Variants in RP1 observed in about 807,000 individuals in gnomAD.
The protein encoded by RP1 is RP1 axonemal microtubule associated, also known as oxygen-regulated protein 1.
A neutral mutation model predicts 14.8 loss-of-function variants in RP1; 16 were observed. The observed-to-expected ratio is 1.08, with a 90% CI of 0.73 to 1.65. The LOEUF is 1.65. Ranked by LOEUF, RP1 falls within the 40% of genes most tolerant of loss-of-function variation. RP1 has a pLI of 0.00. For missense variants in RP1, 2,631 were observed against 2,535.0 expected (o/e 1.04, Z -0.81); for synonymous variants, 876 against 883.6 (o/e 0.99, Z 0.15).
exon 7 of RP1, chr8:54,663,747 G>A (rs1235794376): frequency 2.6e-6 from 4 of 1,534,656 alleles, no homozygotes; most frequent in Admixed American, 2.0e-5. Context: ...TGGAATGCTG[G>A]AACAGTAGCA....
chr8:54,575,114 G>C (rs1804612812), intron 1 of RP1, among the ~76,000 whole-genome samples: 1 of 152,106 alleles, frequency 6.6e-6, no homozygotes, highest in Non-Finnish European at 1.5e-5. Context: ...CTTTTTCCCA[G>C]GTCAATGAGT....
At chr8:54,720,378 C>G in intron 16 of RP1, 1 of 1,322,096 alleles carries the variant, frequency 7.6e-7, no homozygotes, top group Non-Finnish European at 1.0e-6. Context: ...CTGAAAATTT[C>G]ATCACATTTT....
chr8:54,747,788 A>T (rs1204929564), intron 19 of RP1, among the ~76,000 whole-genome samples: 1 of 152,124 alleles, frequency 6.6e-6, no homozygotes, highest in Admixed American at 6.5e-5. Flanking sequence ...AGATTGTACC[A>T]CTGCACTCCA....
chr8:54,802,084 A>G (rs1011515664), intron 24 of RP1, among the ~76,000 whole-genome samples: 1 of 152,218 alleles, frequency 6.6e-6, no homozygotes, highest in Non-Finnish European at 1.5e-5. Context: ...AAAAATGTAT[A>G]AAGGCTCAGT....
intron 19 of RP1, among the ~76,000 whole-genome samples, chr8:54,749,876 G>C (rs764123059): frequency 1.4e-5 from 2 of 147,450 alleles, no homozygotes; most frequent in Admixed American, 6.8e-5. Context: ...TTTTTTTTTT[G>C]AAGTTAGAGG....
At chr8:54,771,109 A>T (rs1809887802), downstream of RP1, among the ~76,000 whole-genome samples, 1 of 152,006 alleles carries the variant, frequency 6.6e-6, no homozygotes. Context: ...TAGCATTCTT[A>T]TCTATTTATA....
At chr8:54,769,709 C>A (rs916281939) in intron 22 of RP1, 2 of 1,359,388 alleles carry the variant, frequency 1.5e-6, no homozygotes, top group Non-Finnish European at 2.0e-6. Context: ...TTTCTCCTCT[C>A]TCTTTCTTTC....
At chr8:54,783,538 C>A in intron 23 of RP1, 1 of 1,227,150 alleles carries the variant, frequency 8.1e-7, no homozygotes, top group South Asian at 4.1e-5. Context: ...TCTCCTTTTT[C>A]CTTTGCAGAT....
chr8:54,738,825 C>T (rs943304875), intron 18 of RP1: 4 of 556,752 alleles, frequency 7.2e-6, no homozygotes, highest in African/African-American at 1.9e-5. Context: ...GAAAGAGTTC[C>T]TGAGAGCTTT....
intron 18 of RP1, among the ~76,000 whole-genome samples, chr8:54,737,465 G>A (rs1345996791): frequency 6.6e-6 from 1 of 152,186 alleles, no homozygotes; most frequent in Non-Finnish European, 1.5e-5. Flanking sequence ...GACAATGAAA[G>A]GATATTTAAA....
intron 19 of RP1, among the ~76,000 whole-genome samples, chr8:54,752,605 C>T (rs890103739): frequency 2.0e-5 from 3 of 152,216 alleles, no homozygotes; most frequent in African/African-American, 7.2e-5. Flanking sequence ...CAGAGCCTGT[C>T]CTGGCAGCTC....
chr8:54,559,577 ATTTGTAAGGTATTG>A (rs1421127892), intron 1 of RP1, among the ~76,000 whole-genome samples: 1 of 152,136 alleles, frequency 6.6e-6, no homozygotes, highest in East Asian at 1.9e-4. Context: ...TTTTGCAGAT[ATTTGTAAGGTATTG>A]TAGTTTTGAG....
At chr8:54,676,676 A>G (rs1228798813) in intron 8 of RP1, among the ~76,000 whole-genome samples, 1 of 152,206 alleles carries the variant, frequency 6.6e-6, no homozygotes, top group African/African-American at 2.4e-5. Flanking sequence ...TAGTTTTCTA[A>G]ATCCAGTTCT....
intron 12 of RP1, among the ~76,000 whole-genome samples, chr8:54,681,609 G>T (rs998609119): frequency 6.6e-6 from 1 of 151,538 alleles, no homozygotes; most frequent in Non-Finnish European, 1.5e-5. Flanking sequence ...GTGCCATGGT[G>T]GTTTGCTGTA....
chr8:54,621,566 T>C lies in RP1; in HGVS notation c.600T>C (p.Ala200=), dbSNP rs1241485691. 9.9e-6 allele frequency: 16 copies of C among 1,614,050 alleles called. No individual in the cohort carries two copies. The highest frequency in any genetic ancestry group is 1.4e-5 in the Non-Finnish European group (16 of 1,180,030). ...VMQRPVVKLY[A]TDGRRVPSLQ... ...AGCGCCCTGTGGTCAAGCTGTACGC[T>C]ACGGACGGAAGGAGGGTGAGCGTTC... The change falls in exon 2 of 4, where the codon GCT becomes GCC. Residue 200 remains alanine, a synonymous_variant. Coordinates refer to ENST00000220676, the MANE Select transcript of RP1 (RefSeq NM_006269.2).
chr8:54,615,828 A>C (rs1805704021), upstream of RP1, among the ~76,000 whole-genome samples: 1 of 152,228 alleles, frequency 6.6e-6, no homozygotes, highest in East Asian at 1.9e-4. Flanking sequence ...AACATAAATA[A>C]ATGAGGGTTA....
intron 24 of RP1, among the ~76,000 whole-genome samples, chr8:54,804,311 A>G (rs1810795154): frequency 6.6e-6 from 1 of 152,198 alleles, no homozygotes; most frequent in Non-Finnish European, 1.5e-5. Flanking sequence ...ATGAACCTGT[A>G]TAGTCAGATG....
chr8:54,704,846 A>G (rs143386240), intron 14 of RP1, among the ~76,000 whole-genome samples: 253 of 150,742 alleles, frequency 1.7e-3, no homozygotes, highest in African/African-American at 6.1e-3. Context: ...TTACATGTAT[A>G]CACACACACA....
At chr8:54,807,496 G>C (rs780813996) in intron 24 of RP1, among the ~76,000 whole-genome samples, 1 of 152,012 alleles carries the variant, frequency 6.6e-6, no homozygotes, top group Non-Finnish European at 1.5e-5. Flanking sequence ...TCTGATGCTT[G>C]TCTGTTTATT....
Sources: gnomAD v4.1 joint callset for allele counts (sites outside exome capture counted in the v4.1 genomes callset) on GRCh38, gnomAD v4.1.1 for gene constraint, MANE v1.5 for transcripts, NCBI Gene and HGNC (gene_info 2026-07-23, HGNC 2026-07-21) for gene names.